Variants in SUGCT observed in about 807,000 individuals in gnomAD.
SUGCT encodes the protein succinyl-CoA:glutarate-CoA transferase, also known as succinyl-CoA:glutarate CoA-transferase.
SUGCT carries 41 observed loss-of-function variants against 55.0 expected under a neutral mutation model. The observed-to-expected ratio is 0.74, with a 90% CI of 0.58 to 0.97. SUGCT has a LOEUF of 0.97. Among genes scored for constraint, SUGCT ranks in the 50% least tolerant of loss-of-function variants. The pLI is 0.00. For synonymous variants in SUGCT, 187 were observed against 200.4 expected (o/e 0.93, Z 0.56); for missense variants, 568 against 547.8 (o/e 1.04, Z -0.37).
At chr7:40,411,950 AT>A (rs34690225) in intron 9 of SUGCT, among the ~76,000 whole-genome samples, 104,807 of 151,954 alleles carry the variant, frequency 0.69, 36,565 homozygotes, top group East Asian at 0.99. Context: ...AAAGAACATA[AT>A]TTTTTTGATG....
chr7:40,614,253 A>G (rs759816564), intron 12 of SUGCT, among the ~76,000 whole-genome samples: 7 of 152,100 alleles, frequency 4.6e-5, no homozygotes, highest in Non-Finnish European at 7.4e-5. Context: ...TCTATAGCCA[A>G]CTTCCCCAGT....
intron 6 of SUGCT, among the ~76,000 whole-genome samples, chr7:40,223,130 G>C (rs1383194291): frequency 6.6e-6 from 1 of 151,274 alleles, no homozygotes; most frequent in African/African-American, 2.4e-5. Context: ...GCATGATCTC[G>C]GCTCACCGCA....
intron 12 of SUGCT, among the ~76,000 whole-genome samples, chr7:40,685,966 A>C (rs975696256): frequency 6.6e-6 from 1 of 152,212 alleles, no homozygotes; most frequent in Admixed American, 6.5e-5. Flanking sequence ...TTCTAGATAG[A>C]TCATCCTAGT....
At chr7:40,510,965 C>T (rs1792893923) in intron 12 of SUGCT, among the ~76,000 whole-genome samples, 1 of 152,198 alleles carries the variant, frequency 6.6e-6, no homozygotes, top group African/African-American at 2.4e-5. Context: ...AGAGAAAACA[C>T]AGGTTTAGGA....
chr7:40,916,019 T>A, the SUGCT span, among the ~76,000 whole-genome samples: 1 of 107,964 alleles, frequency 9.3e-6, no homozygotes, highest in Non-Finnish European at 1.8e-5. Flanking sequence ...GTGAGTATAT[T>A]ATATATGTCA....
intron 12 of SUGCT, among the ~76,000 whole-genome samples, chr7:40,532,446 T>C (rs1794147812): frequency 6.6e-6 from 1 of 152,120 alleles, no homozygotes; most frequent in South Asian, 2.1e-4. Context: ...GGAGAGAATC[T>C]GTAGGATTCT....
chr7:40,162,147 C>T (rs755377015), intron 1 of SUGCT, among the ~76,000 whole-genome samples: 2 of 152,122 alleles, frequency 1.3e-5, no homozygotes, highest in African/African-American at 4.8e-5. Flanking sequence ...CCGCCCGCCT[C>T]GGCCTCCCAA....
the SUGCT span, among the ~76,000 whole-genome samples, chr7:40,923,348 C>A: frequency 6.6e-6 from 1 of 152,064 alleles, no homozygotes; most frequent in African/African-American, 2.4e-5. Context: ...TTTTGAGAAT[C>A]AGAAAAAACA....
At chr7:40,727,401 T>C (rs1308975461) in intron 12 of SUGCT, among the ~76,000 whole-genome samples, 6 of 152,230 alleles carry the variant, frequency 3.9e-5, no homozygotes, top group Non-Finnish European at 5.9e-5. Context: ...CAGTGGAATC[T>C]AGCCCATTGG....
At chr7:40,600,739 T>A (rs945075739) in intron 12 of SUGCT, among the ~76,000 whole-genome samples, 5 of 150,298 alleles carry the variant, frequency 3.3e-5, no homozygotes, top group South Asian at 2.1e-4. Context: ...TTTTTTTTTT[T>A]AATAAGACTT....
rs568451739 is a variant in SUGCT at position 40,490,514 on chromosome 7, G to T, written c.987-5770G>T. 2.0e-4 allele frequency among the ~76,000 whole-genome samples: 31 copies of T among 152,282 alleles called. 1 individual carries two copies. The South Asian group carries it at 6.0e-3, about 30-fold the overall frequency. On this transcript the variant is annotated intron_variant, in intron 11 of 13. Transcript: ENST00000335693. ...TTGGGAGAGAAGTGACAGGGCCAGAGAATTGTTCTTCTTACCATTTCATTA... is the reference window on the plus strand; with the variant it reads ...TTGGGAGAGAAGTGACAGGGCCAGATAATTGTTCTTCTTACCATTTCATTA...
At chr7:40,631,620 G>A (rs1040505990) in intron 12 of SUGCT, among the ~76,000 whole-genome samples, 1 of 152,184 alleles carries the variant, frequency 6.6e-6, no homozygotes, top group Non-Finnish European at 1.5e-5. Context: ...AATCAATAAG[G>A]TAATGCCACA....
At chr7:40,846,525 C>T (rs1385897791) in intron 13 of SUGCT, among the ~76,000 whole-genome samples, 1 of 152,074 alleles carries the variant, frequency 6.6e-6, no homozygotes, top group African/African-American at 2.4e-5. Flanking sequence ...TATATTTTTC[C>T]AGTAGGAAAT....
intron 11 of SUGCT, among the ~76,000 whole-genome samples, chr7:40,490,498 A>G (rs1791619779): frequency 6.6e-6 from 1 of 152,140 alleles, no homozygotes; most frequent in Non-Finnish European, 1.5e-5. Context: ...CTTGGGAGAG[A>G]AGTGACAGGG....
chr7:40,249,222 A>ATAGAGGC (rs1453786375), intron 7 of SUGCT, among the ~76,000 whole-genome samples: 1 of 149,214 alleles, frequency 6.7e-6, no homozygotes, highest in African/African-American at 2.5e-5. Context: ...AGCCCAGGAG[A>ATAGAGGC]TAGAGGCTGC....
At chr7:40,282,985 T>G (rs1454093837) in intron 8 of SUGCT, among the ~76,000 whole-genome samples, 1 of 152,004 alleles carries the variant, frequency 6.6e-6, no homozygotes, top group Non-Finnish European at 1.5e-5. Context: ...TGAAGATATT[T>G]GGATATGAGC....
the SUGCT span, among the ~76,000 whole-genome samples, chr7:40,946,289 T>G: frequency 6.6e-6 from 1 of 151,968 alleles, no homozygotes; most frequent in Non-Finnish European, 1.5e-5. Flanking sequence ...TTTCTGTCCT[T>G]TGTATTAAGT....
the SUGCT span, among the ~76,000 whole-genome samples, chr7:40,899,499 G>A: frequency 6.6e-6 from 1 of 152,066 alleles, no homozygotes; most frequent in Admixed American, 6.5e-5. Flanking sequence ...CACACGCTGA[G>A]ACAGAAAGCA....
chr7:40,414,970 T>TG (rs1786889810), intron 9 of SUGCT, among the ~76,000 whole-genome samples: 1 of 145,654 alleles, frequency 6.9e-6, no homozygotes, highest in South Asian at 2.2e-4. Flanking sequence ...GCTAGAACTC[T>TG]GGGGGCGGAT....
Sources: gnomAD v4.1 joint callset for allele counts (sites outside exome capture counted in the v4.1 genomes callset) on GRCh38, gnomAD v4.1.1 for gene constraint, MANE v1.5 for transcripts, NCBI Gene and HGNC (gene_info 2026-07-23, HGNC 2026-07-21) for gene names.